Variants in NXPE3 observed in about 807,000 individuals in gnomAD.
The protein encoded by NXPE3 is NXPE family member 3.
Under a neutral mutation model 46.1 loss-of-function variants are expected in NXPE3, and 26 were observed. The observed-to-expected ratio is 0.56, with a 90% confidence interval of 0.41 to 0.78. The LOEUF is 0.78. Ranked by LOEUF, NXPE3 falls within the 30% of genes least tolerant of loss-of-function variation. The pLI, the probability that NXPE3 is intolerant of heterozygous loss-of-function variation, is 0.00. For synonymous variants in NXPE3, 272 were observed against 257.9 expected (o/e 1.05, Z -0.52); for missense variants, 620 against 686.0 (o/e 0.90, Z 1.07).
chr3:101,790,469 T>C (rs966070328), intron 4 of NXPE3, among the ~76,000 whole-genome samples: 3 of 152,254 alleles, frequency 2.0e-5, no homozygotes, highest in Non-Finnish European at 2.9e-5. Context: ...TTTATCATCA[T>C]GAGTTGGCCT....
At chr3:101,791,495 C>T (rs947302109) in intron 4 of NXPE3, among the ~76,000 whole-genome samples, 10 of 152,198 alleles carry the variant, frequency 6.6e-5, no homozygotes, top group Non-Finnish European at 1.5e-5. Flanking sequence ...AAGTTATTCT[C>T]CTGCCTCAGC....
At chr3:101,815,852 T>C (rs1255713685) in intron 6 of NXPE3, among the ~76,000 whole-genome samples, 1 of 152,038 alleles carries the variant, frequency 6.6e-6, no homozygotes, top group African/African-American at 2.4e-5. Flanking sequence ...AAAAATTAAC[T>C]GGGTGTGGTG....
chr3:101,816,774 G>C, intron 6 of NXPE3, 21 bp from the exon 7 acceptor site: 1 of 1,563,484 alleles, frequency 6.4e-7, no homozygotes, highest in South Asian at 1.1e-5. Flanking sequence ...TAAAATATTT[G>C]TTTTTCTTTT....
At position 101,822,184 on chromosome 3, in the gene NXPE3, C is replaced by CGAG; in HGVS notation, c.*230_*231insGAG. On this transcript the variant is annotated 3_prime_UTR_variant, in exon 8 of 8. Coordinates refer to ENST00000273347, the MANE Select transcript of NXPE3 (RefSeq NM_145037.4). ...TTAGCCATGGTAGAACTCTTAACTG[C>CGAG]ATCTACACACTATATTGCTCTTGTA... is the stretch of plus-strand genomic sequence containing the variant. 4.1e-4 allele frequency: 192 copies of CGAG among 465,350 alleles called. No individual in the cohort carries two copies. The highest frequency in any genetic ancestry group is 2.1e-3 in the South Asian group (52 of 24,680). 28.8% of individuals were successfully genotyped at this position (465,350 alleles called of 1,614,324 possible). A position where few individuals can be genotyped will look rare whatever the true frequency, so the allele number is the denominator to read the frequency against.
At chr3:101,789,030 G>A (rs186696570) in intron 4 of NXPE3, among the ~76,000 whole-genome samples, 1 of 152,258 alleles carries the variant, frequency 6.6e-6, no homozygotes, top group African/African-American at 2.4e-5. Flanking sequence ...ACTCTGACCA[G>A]AGATTTGTGT....
chr3:101,808,854 T>TATATATATATATATATATAC (rs770360739), intron 6 of NXPE3, among the ~76,000 whole-genome samples: 101 of 100,328 alleles, frequency 1.0e-3, no homozygotes, highest in Non-Finnish European at 1.4e-3. Context: ...TATATATATA[T>TATATATATATATATATATAC]ATGAGACATT....
At chr3:101,794,234 G>C (rs373190596) in intron 4 of NXPE3, among the ~76,000 whole-genome samples, 11 of 152,188 alleles carry the variant, frequency 7.2e-5, no homozygotes, top group South Asian at 4.2e-4. Flanking sequence ...GAAGCTGAAG[G>C]GGGGAGGAGA....
intron 4 of NXPE3, among the ~76,000 whole-genome samples, chr3:101,795,651 T>G (rs1940790276): frequency 6.6e-6 from 1 of 152,220 alleles, no homozygotes; most frequent in Non-Finnish European, 1.5e-5. Flanking sequence ...ATTTTTTTTC[T>G]TTTGCCTTAT....
At chr3:101,793,129 T>G (rs139594195) in intron 4 of NXPE3, among the ~76,000 whole-genome samples, 7 of 152,364 alleles carry the variant, frequency 4.6e-5, no homozygotes, top group African/African-American at 1.7e-4. Flanking sequence ...TCTGAAACTT[T>G]GCTGAAGTTG....
rs1446083940 is a variant in NXPE3 at position 101,825,508 on chromosome 3, T to C, written c.*3554T>C. 5.9e-5 allele frequency: 9 copies of C among 152,228 alleles called. No individual in the cohort carries two copies. The highest frequency in any genetic ancestry group is 5.9e-4 in the Admixed American group (9 of 15,278). 9.4% of individuals were successfully genotyped at this position (152,228 alleles called of 1,614,324 possible). On this transcript the variant is annotated 3_prime_UTR_variant, in exon 8 of 8. Coordinates refer to ENST00000273347, the MANE Select transcript of NXPE3 (RefSeq NM_145037.4). The stretch of plus-strand genomic sequence containing the variant: ...AACTATAAAATCTAGAAGAAAAATC[T>C]ATGGATAAAATCCATAATTCTATCA...
chr3:101,816,958 A>C lies in NXPE3; in HGVS notation c.1086A>C (p.Ser362=), dbSNP rs2107347217. 1 of 1,614,172 alleles carries C rather than the reference A, an allele frequency of 6.2e-7. No individual in the cohort carries two copies. The highest frequency in any genetic ancestry group is 1.3e-5 in the African/African-American group (1 of 75,062). The change falls in exon 7 of 8, where the codon TCA becomes TCC. Residue 362 remains serine, a synonymous_variant. Transcript: ENST00000273347. ...QRKVVHLFGD[S]TIRQWFEYLT... ...AAGTGGTGCATTTATTTGGTGACTCAACAATCAGGCAATGGTTTGAATACC... is the reference window on the plus strand; with the variant it reads ...AAGTGGTGCATTTATTTGGTGACTCCACAATCAGGCAATGGTTTGAATACC...
intron 6 of NXPE3, among the ~76,000 whole-genome samples, chr3:101,808,614 C>T (rs1041093046): frequency 1.3e-5 from 2 of 151,706 alleles, no homozygotes; most frequent in Non-Finnish European, 2.9e-5. Context: ...GTGATATCTC[C>T]ATATTTTAGA....
rs561349845 is a variant in NXPE3, at chr3:101,819,108, G to A, written c.1129+2107G>A. On this transcript the variant is annotated intron_variant, in intron 7 of 7. Transcript: ENST00000273347. ...TGATGTTACTTTTTCAAAATTGACCGTGAACTCACTGAGGGCAAGGACTAT... is the reference window on the plus strand; with the variant it reads ...TGATGTTACTTTTTCAAAATTGACCATGAACTCACTGAGGGCAAGGACTAT... 6.6e-5 allele frequency among the ~76,000 whole-genome samples: 10 copies of A among 152,148 alleles called. 1 individual carries two copies. Among genetic ancestry groups the A allele is most frequent in the African/African-American group, 7.2e-5 (3 of 41,492 alleles).
chr3:101,790,262 T>A (rs1029182186), intron 4 of NXPE3, among the ~76,000 whole-genome samples: 9 of 152,218 alleles, frequency 5.9e-5, no homozygotes, highest in African/African-American at 2.2e-4. Flanking sequence ...GTGTTGGTTG[T>A]CTTCTGTATA....
At chr3:101,817,382 C>G (rs1942019218) in intron 7 of NXPE3, among the ~76,000 whole-genome samples, 1 of 152,176 alleles carries the variant, frequency 6.6e-6, no homozygotes, top group African/African-American at 2.4e-5. Context: ...GTTGTTTCTC[C>G]CCTAGTTCTG....
chr3:101,817,865 C>G (rs1942038584), intron 7 of NXPE3, among the ~76,000 whole-genome samples: 1 of 151,992 alleles, frequency 6.6e-6, no homozygotes, highest in Non-Finnish European at 1.5e-5. Context: ...TTTTATCAGC[C>G]TTTTTATTTA....
At chr3:101,793,461 T>A (rs1318710842) in intron 4 of NXPE3, among the ~76,000 whole-genome samples, 2 of 152,232 alleles carry the variant, frequency 1.3e-5, no homozygotes, top group South Asian at 2.1e-4. Flanking sequence ...TCTGACAATC[T>A]CTGCCTTTTA....
In NXPE3 at chr3:101,784,721, C is replaced by T. The variant is rs1275414738; in HGVS notation, c.-195-681C>T. Among the ~76,000 whole-genome samples the T allele has an allele frequency of 3.9e-5, 6 of 152,198 alleles. No homozygotes were observed. The East Asian group carries it at 1.2e-3, about 29-fold the overall frequency. Reference sequence around the variant, plus strand: ...CTGCTGACTCTGAAGTCCTCTGCCTCTAGCAGGTGTGATGAAGGATTTTGG... The same window carrying T: ...CTGCTGACTCTGAAGTCCTCTGCCTTTAGCAGGTGTGATGAAGGATTTTGG... On this transcript the variant is annotated intron_variant, in intron 3 of 7. Coordinates refer to ENST00000273347, the MANE Select transcript of NXPE3 (RefSeq NM_145037.4).
rs144724854 is a variant in NXPE3 at position 101,807,897 on chromosome 3, T to C, written c.922+771T>C. On this transcript the variant is annotated intron_variant, in intron 6 of 7. Transcript: ENST00000273347. ...TGCTCTAGAGATATGGGTAAAATTA[T>C]CATGGAAATGTTTAAATCATCACAA... Among the ~76,000 whole-genome samples, 16 of 152,320 alleles carry C rather than the reference T, an allele frequency of 1.1e-4. No homozygotes were observed. The East Asian group carries it at 2.9e-3, about 28-fold the overall frequency.
Sources: gnomAD v4.1 joint callset for allele counts (sites outside exome capture counted in the v4.1 genomes callset) on GRCh38, gnomAD v4.1.1 for gene constraint, MANE v1.5 for transcripts, NCBI Gene and HGNC (gene_info 2026-07-23, HGNC 2026-07-21) for gene names.